TMTC2: variants seen among roughly 807,000 people sequenced by gnomAD.
TMTC2 encodes the protein transmembrane O-mannosyltransferase targeting cadherins 2, also known as protein O-mannosyl-transferase TMTC2.
TMTC2 carries 43 observed loss-of-function variants against 82.4 expected under a neutral mutation model. The ratio of observed to expected loss-of-function variants is 0.52; its 90% confidence interval spans 0.41 to 0.67. The LOEUF (loss-of-function observed/expected upper bound fraction) is 0.67, where lower values mean the gene tolerates loss of function less well. Among genes scored for constraint, TMTC2 ranks in the 30% least tolerant of loss-of-function variants. The probability of loss-of-function intolerance (pLI) is 0.00; values close to 1 mark genes in which losing one functional copy is unlikely to be tolerated. For synonymous variants in TMTC2, 408 were observed against 381.9 expected (o/e 1.07, Z -0.80); for missense variants, 919 against 1,012.4 (o/e 0.91, Z 1.25).
intron 4 of TMTC2, among the ~76,000 whole-genome samples, chr12:82,956,792 T>C (rs1331529067): frequency 6.6e-6 from 1 of 152,004 alleles, no homozygotes; most frequent in Admixed American, 6.6e-5. Context: ...GTAAAAAAAG[T>C]ACAAAGAAGC....
chr12:83,057,290 T>G (rs956625898), intron 10 of TMTC2, among the ~76,000 whole-genome samples: 1 of 151,978 alleles, frequency 6.6e-6, no homozygotes, highest in Non-Finnish European at 1.5e-5. Flanking sequence ...TCAGAGGGAC[T>G]TTTTAAAAAA....
rs1349102420 is a variant in TMTC2 at position 82,965,604 on chromosome 12, A to C, written c.1729A>C (p.Thr577Pro). The C allele has an allele frequency of 3.1e-6, 5 of 1,613,726 alleles. No homozygotes were observed. The highest frequency in any genetic ancestry group is 3.4e-6 in the Non-Finnish European group (4 of 1,179,720). The change falls in exon 6 of 12, where the codon ACG becomes CCG. Residue 577 changes from threonine to proline, a missense_variant. Coordinates refer to ENST00000321196, the MANE Select transcript of TMTC2 (RefSeq NM_152588.3). ...TGIILMNQGR[T>P]EEARRTFLKC... The stretch of plus-strand genomic sequence containing the variant: ...TATTATTCTAATGAACCAAGGAAGG[A>C]CGGAAGAAGCCCGACGGACATTCTT...
chr12:83,059,698 T>C (rs552718865), intron 10 of TMTC2, among the ~76,000 whole-genome samples: 2 of 151,786 alleles, frequency 1.3e-5, no homozygotes, highest in Non-Finnish European at 2.9e-5. Flanking sequence ...AATAACCATT[T>C]TGGGGGGCAG....
At position 82,930,496 on chromosome 12, in the gene TMTC2, A is replaced by G. The variant is rs771967625; in HGVS notation, c.1549A>G (p.Arg517Gly). ...AATTTCTGAAGCTGAAAGCGCCTATAGAAATGCTTTGTACTACCGCAGCAA... is the reference window on the plus strand; with the variant it reads ...AATTTCTGAAGCTGAAAGCGCCTATGGAAATGCTTTGTACTACCGCAGCAA... ...SKISEAESAY[R>G]NALYYRSNMA... The change falls in exon 4 of 12, where the codon AGA (arginine) becomes GGA (glycine). Residue 517 changes from arginine (R) to glycine (G), a missense_variant. By Grantham distance (125) the Arg-to-Gly change is moderately radical (BLOSUM62 -2). Transcript: ENST00000321196. The G allele has an allele frequency of 1.9e-6, 3 of 1,605,658 alleles. No homozygotes were observed. The South Asian group carries it at 3.3e-5, about 18-fold the overall frequency.
intron 4 of TMTC2, among the ~76,000 whole-genome samples, chr12:82,963,827 A>C: frequency 1.0e-5 from 1 of 97,630 alleles, no homozygotes; most frequent in East Asian, 2.9e-4. Flanking sequence ...ATATATATAT[A>C]TATATATATA....
chr12:82,759,695 T>A (rs1302452702), intron 1 of TMTC2: 1 of 152,220 alleles, frequency 6.6e-6, no homozygotes, highest in Non-Finnish European at 1.5e-5. Flanking sequence ...TAAAAATGCT[T>A]GACAATTTTT....
At chr12:82,947,421 C>A (rs1592648825) in intron 4 of TMTC2, among the ~76,000 whole-genome samples, 1 of 151,026 alleles carries the variant, frequency 6.6e-6, no homozygotes. Flanking sequence ...CGGCTCACTG[C>A]AAGCTCCGCC....
In TMTC2 at chr12:83,014,955, G is replaced by T. The variant is rs115698550; in HGVS notation, c.2071-15843G>T. ...AGAGGTATGATATTATCCCTGTAAA[G>T]AATTGAATTTCTGGAGATTTTAAGT... On this transcript the variant is annotated intron_variant, in intron 8 of 11. Transcript: ENST00000321196. 7.2e-3 allele frequency among the ~76,000 whole-genome samples: 1,089 copies of T among 152,168 alleles called. 14 individuals are homozygous for T. Among genetic ancestry groups the T allele is most frequent in the African/African-American group, 0.025 (1,031 of 41,504 alleles).
chr12:83,073,465 T>C (rs1233480506), intron 11 of TMTC2, among the ~76,000 whole-genome samples: 1 of 152,172 alleles, frequency 6.6e-6, no homozygotes, highest in Non-Finnish European at 1.5e-5. Flanking sequence ...TAGGTGAAAA[T>C]CTTTTTGCAA....
rs190733245 is a variant in TMTC2, at chr12:83,118,122, A to G, written c.2332-14088A>G. Among the ~76,000 whole-genome samples the G allele has an allele frequency of 1.6e-4, 24 of 152,214 alleles. No homozygotes were observed. The East Asian group carries it at 4.5e-3, about 28-fold the overall frequency. Reference sequence around the variant, plus strand: ...TGTCATATCATCAGCAAACAGTGACAGTTTGACTTCCTCTTTACCGATTTG... The same window carrying G: ...TGTCATATCATCAGCAAACAGTGACGGTTTGACTTCCTCTTTACCGATTTG... On this transcript the variant is annotated intron_variant, in intron 11 of 11. Transcript: ENST00000321196.
chr12:82,856,770 C>G (rs1359806255), intron 1 of TMTC2, among the ~76,000 whole-genome samples: 1 of 152,028 alleles, frequency 6.6e-6, no homozygotes, highest in African/African-American at 2.4e-5. Flanking sequence ...GAACTTTATT[C>G]TTCAAAGATA....
At chr12:82,880,255 A>G (rs1371137184) in intron 2 of TMTC2, among the ~76,000 whole-genome samples, 2 of 152,220 alleles carry the variant, frequency 1.3e-5, no homozygotes, top group Non-Finnish European at 2.9e-5. Flanking sequence ...TTAAAAGGTA[A>G]TGTTTGAGTT....
chr12:83,066,334 C>A (rs1882914745), intron 11 of TMTC2, among the ~76,000 whole-genome samples: 1 of 151,628 alleles, frequency 6.6e-6, no homozygotes, highest in Non-Finnish European at 1.5e-5. Flanking sequence ...TTAGCAAGAA[C>A]AAGGAGAGAA....
Position 83,132,496 on chromosome 12 carries a change from C to G in TMTC2, c.*107C>G, listed in dbSNP as rs1885294211. The G allele has an allele frequency of 7.6e-7, 1 of 1,308,348 alleles. No homozygotes were observed. Among genetic ancestry groups the G allele is most frequent in the Non-Finnish European group, 1.1e-6 (1 of 946,144 alleles). The allele number at this position is 1,308,348 out of a possible 1,614,324, so 81.0% of individuals were successfully genotyped here. ...AAGAGCTGGTGTTAGACTTCAAGAC[C>G]AGGGCAGAGGTCATTGAGGTCACTA... On this transcript the variant is annotated 3_prime_UTR_variant, in exon 12 of 12. Transcript: ENST00000321196.
At chr12:82,798,495 C>A (rs75580360) in intron 1 of TMTC2, among the ~76,000 whole-genome samples, 57 of 124,480 alleles carry the variant, frequency 4.6e-4, no homozygotes, top group Non-Finnish European at 4.8e-4. Flanking sequence ...AGACTCGTCT[C>A]AAAAAAAAAA....
At chr12:83,122,310 T>A (rs1828396020) in intron 11 of TMTC2, among the ~76,000 whole-genome samples, 12 of 151,180 alleles carry the variant, frequency 7.9e-5, no homozygotes, top group Admixed American at 7.9e-4. Context: ...CACACTAGAT[T>A]CATGTCCTCC....
intron 1 of TMTC2, among the ~76,000 whole-genome samples, chr12:82,726,037 A>G (rs929911889): frequency 6.6e-6 from 1 of 152,190 alleles, no homozygotes; most frequent in Non-Finnish European, 1.5e-5. Context: ...TACAGATGCA[A>G]ATTTTCCCCC....
rs887207868 is a variant in TMTC2, at chr12:82,958,506, G to A, written c.1599-6518G>A. Among the ~76,000 whole-genome samples, 27 of 152,036 alleles carry A rather than the reference G, an allele frequency of 1.8e-4. 1 individual carries two copies. Among genetic ancestry groups the A allele is most frequent in the Admixed American group, 6.6e-5 (1 of 15,248 alleles). ...CCATGATCAAGTAGGCTTCATTCCT[G>A]GGATGCAAGGTTGGTTCAACATGTG... is the stretch of plus-strand genomic sequence containing the variant. On this transcript the variant is annotated intron_variant, in intron 4 of 11. Coordinates refer to ENST00000321196, the MANE Select transcript of TMTC2 (RefSeq NM_152588.3).
At chr12:82,968,276 A>G (rs1878306771) in intron 7 of TMTC2, among the ~76,000 whole-genome samples, 1 of 152,142 alleles carries the variant, frequency 6.6e-6, no homozygotes, top group South Asian at 2.1e-4. Context: ...GCTTCATTAA[A>G]TATATTCTTG....
Sources: allele counts gnomAD v4.1 joint callset (sites outside exome capture counted in the v4.1 genomes callset), GRCh38; gene constraint gnomAD v4.1.1; transcripts MANE v1.5; gene names NCBI Gene and HGNC (gene_info 2026-07-23, HGNC 2026-07-21).